DEPDC1: variants seen among roughly 807,000 people sequenced by gnomAD.
DEPDC1 encodes DEP domain containing 1, also known as DEP domain-containing protein 1A.
In DEPDC1, 66 loss-of-function variants were observed where a neutral mutation model predicts 86.8. The observed-to-expected ratio is 0.76, with a 90% confidence interval of 0.62 to 0.93. DEPDC1 has a LOEUF of 0.93. Ranked by LOEUF, DEPDC1 falls within the 40% of genes least tolerant of loss-of-function variation. DEPDC1 has a pLI of 0.00. For synonymous variants in DEPDC1, 255 were observed against 314.9 expected, an observed-to-expected ratio of 0.81 and a Z score of 2.02; for missense variants, 792 against 935.7, an observed-to-expected ratio of 0.85 and a Z score of 2.00.
At chr1:68,481,731 A>C (rs1646157379) in intron 8 of DEPDC1, 119 bp from the exon 9 acceptor site, 4 of 823,620 alleles carry the variant, frequency 4.9e-6, no homozygotes, top group Non-Finnish European at 7.1e-6. Context: ...TCTTTTAACT[A>C]TTTCTAGAAA....
At chr1:68,489,058 T>A in intron 3 of DEPDC1, 24 bp from the exon 4 acceptor site, 1 of 1,434,856 alleles carries the variant, frequency 7.0e-7, no homozygotes, top group Non-Finnish European at 9.8e-7. Context: ...TATTTTGGTT[T>A]AATCTGTTAT....
intron 11 of DEPDC1, 86 bp from the exon 12 acceptor site, chr1:68,477,155 T>C: frequency 8.3e-7 from 1 of 1,204,116 alleles, no homozygotes; most frequent in Non-Finnish European, 1.2e-6. Context: ...GAATTCAGTG[T>C]TTTTCTCAAA....
intron 10 of DEPDC1, 163 bp downstream of exon 10, chr1:68,478,981 G>C (rs769501671): frequency 1.8e-6 from 1 of 550,612 alleles, no homozygotes; most frequent in Non-Finnish European, 3.3e-6. Flanking sequence ...GGGATGGAAA[G>C]AGTCATATAG....
chr1:68,490,284 C>T (rs1320829663), intron 2 of DEPDC1, among the ~76,000 whole-genome samples: 1 of 152,026 alleles, frequency 6.6e-6, no homozygotes, highest in East Asian at 1.9e-4. Context: ...TTCCATTGTC[C>T]AATAGGCCCC....
chr1:68,482,895 C>T lies in DEPDC1; in HGVS notation c.913G>A (p.Val305Ile). 6.4e-7 allele frequency: 1 copy of T among 1,551,604 alleles called. No homozygotes were observed. Residue 305 changes from valine to isoleucine, a missense_variant and splice_region_variant, in exon 8 of 12, where the codon GTT (valine) becomes ATT (isoleucine). Physicochemically the swap from Val to Ile is conservative, Grantham distance 29 (BLOSUM62 3). Coordinates refer to ENST00000456315, the MANE Select transcript of DEPDC1 (RefSeq NM_001114120.3). Reference protein sequence around the residue: ...YYELFVNILVVCGYITVSDRS... With the variant: ...YYELFVNILVICGYITVSDRS... ...TCTGAAACTGTGATGTAGCCACAAA[C>T]AACTACCAGGAAATGAAACAAAAAT...
At chr1:68,480,934 C>T (rs896154912) in intron 9 of DEPDC1, among the ~76,000 whole-genome samples, 2 of 151,858 alleles carry the variant, frequency 1.3e-5, no homozygotes, top group Non-Finnish European at 1.5e-5. Context: ...ATATAAATGC[C>T]CTTATCCTCA....
Position 68,484,025 on chromosome 1 carries a change from T to C in DEPDC1, c.835A>G (p.Ile279Val). ...GGGAGATCTAGAAAATAATCTGCGA[T>C]TGTTCTGAATACATCTCGTTCAAAT... is the stretch of plus-strand genomic sequence containing the variant. ...VGFERDVFRT[I>V]ADYFLDLPEP... The change falls in exon 7 of 12, where the codon ATC becomes GTC. Residue 279 changes from isoleucine to valine, a missense_variant. Coordinates refer to ENST00000456315, the MANE Select transcript of DEPDC1 (RefSeq NM_001114120.3). 1 of 1,582,178 alleles carries C rather than the reference T, an allele frequency of 6.3e-7. No individual in the cohort carries two copies. Among genetic ancestry groups the C allele is most frequent in the African/African-American group, 1.4e-5 (1 of 73,406 alleles).
intron 9 of DEPDC1, among the ~76,000 whole-genome samples, chr1:68,480,801 C>T (rs962027644): frequency 4.6e-5 from 7 of 151,854 alleles, no homozygotes; most frequent in East Asian, 1.9e-4. Context: ...AGCATAACTC[C>T]GGATTCCTTG....
chr1:68,483,082 G>T lies in DEPDC1; in HGVS notation c.911-185C>A, dbSNP rs139615156. ...ACACATGCAACATTCGGTTACAAACGTGCAAGACAGATGAGTGGTTTTCCC... is the reference window on the plus strand; with the variant it reads ...ACACATGCAACATTCGGTTACAAACTTGCAAGACAGATGAGTGGTTTTCCC... On this transcript the variant is annotated intron_variant, in intron 7 of 11. Coordinates refer to ENST00000456315, the MANE Select transcript of DEPDC1 (RefSeq NM_001114120.3). 6.3e-4 allele frequency: 393 copies of T among 622,688 alleles called. 2 individuals carry two copies. The East Asian group carries it at 9.7e-3, about 15-fold the overall frequency. 38.6% of individuals were successfully genotyped at this position (622,688 alleles called of 1,614,324 possible).
At chr1:68,494,211 CT>C (rs1269775899) in intron 2 of DEPDC1, among the ~76,000 whole-genome samples, 1 of 152,176 alleles carries the variant, frequency 6.6e-6, no homozygotes, top group Non-Finnish European at 1.5e-5. Flanking sequence ...CAATTCCCTA[CT>C]TTATTATATA....
chr1:68,482,805 T>G lies in DEPDC1; in HGVS notation c.1003A>C (p.Asn335His), dbSNP rs1646166327. The G allele has an allele frequency of 1.2e-6, 2 of 1,612,378 alleles. No individual in the cohort carries two copies. Among genetic ancestry groups the G allele is most frequent in the South Asian group, 2.2e-5 (2 of 90,930 alleles). The change falls in exon 8 of 12, where the codon AAT becomes CAT. Residue 335 changes from asparagine to histidine, a missense_variant. Coordinates refer to ENST00000456315, the MANE Select transcript of DEPDC1 (RefSeq NM_001114120.3). Reference protein sequence around the residue: ...PQSSKFLHLNNLNSFKSTECL... With the variant: ...PQSSKFLHLNHLNSFKSTECL... ...TCAGTTGATTTGAAGGAATTCAAAT[T>G]GTTTAAGTGAAGGAATTTTGAAGAC...
chr1:68,494,219 T>C (rs1646248339), intron 2 of DEPDC1, among the ~76,000 whole-genome samples: 1 of 152,256 alleles, frequency 6.6e-6, no homozygotes, highest in Non-Finnish European at 1.5e-5. Context: ...TACTTTATTA[T>C]ATATGCTAAC....
At chr1:68,492,451 A>T (rs1287175658) in intron 2 of DEPDC1, among the ~76,000 whole-genome samples, 1 of 152,130 alleles carries the variant, frequency 6.6e-6, no homozygotes, top group African/African-American at 2.4e-5. Context: ...TCATGCCTGT[A>T]ATCCCAGCAC....
intron 11 of DEPDC1, 96 bp from the exon 12 acceptor site, chr1:68,477,165 A>C (rs1307763458): frequency 1.9e-6 from 2 of 1,054,648 alleles, no homozygotes; most frequent in African/African-American, 3.2e-5. Flanking sequence ...TTTTTCTCAA[A>C]GACGTAGTAT....
chr1:68,488,550 T>TATGA, intron 4 of DEPDC1, 46 bp from the exon 5 acceptor site: 1 of 1,482,132 alleles, frequency 6.7e-7, no homozygotes, highest in Non-Finnish European at 9.2e-7. Flanking sequence ...ATAAATAGAT[T>TATGA]ATACATATGA....
intron 10 of DEPDC1, 66 bp downstream of exon 10, chr1:68,479,078 A>G: frequency 7.2e-7 from 1 of 1,384,198 alleles, no homozygotes; most frequent in Admixed American, 2.2e-5. Context: ...TGATTAAGCT[A>G]TTTTGAGATG....
intron 2 of DEPDC1, 136 bp downstream of exon 2, chr1:68,494,294 T>A: frequency 4.9e-6 from 4 of 811,928 alleles, no homozygotes; most frequent in Non-Finnish European, 7.4e-6. Context: ...ATGATTTTAG[T>A]TGAACTAACA....
intron 5 of DEPDC1, 103 bp from the exon 6 acceptor site, chr1:68,487,087 TACAC>T: frequency 1.1e-6 from 1 of 934,534 alleles, no homozygotes; most frequent in Non-Finnish European, 1.5e-6. Context: ...TATATACACA[TACAC>T]ATACATGTTA....
chr1:68,488,939 A>G lies in DEPDC1; in HGVS notation c.567T>C (p.Val189=). The change falls in exon 4 of 12, where the codon GTT becomes GTC. Residue 189 remains valine, a synonymous_variant. Transcript: ENST00000456315. ...RELSQEDVEE[V]WRYVILIYLQ... The stretch of plus-strand genomic sequence containing the variant: ...ACTAGATCAGAATAACATATCTCCA[A>G]ACTTCTTCAACATCTTCCTGGCTTA... 2 of 1,597,538 alleles carry G rather than the reference A, an allele frequency of 1.3e-6. No homozygotes were observed. The highest frequency in any genetic ancestry group is 8.6e-7 in the Non-Finnish European group (1 of 1,167,392).
Sources: allele counts gnomAD v4.1 joint callset (sites outside exome capture counted in the v4.1 genomes callset), GRCh38; gene constraint gnomAD v4.1.1; transcripts MANE v1.5; gene names NCBI Gene and HGNC (gene_info 2026-07-23, HGNC 2026-07-21).